PADI3: variants seen among roughly 807,000 people sequenced by gnomAD.
PADI3 encodes peptidyl arginine deiminase 3.
A neutral mutation model predicts 71.5 loss-of-function variants in PADI3; 53 were observed. That is an observed-to-expected ratio of 0.74 (90% CI 0.59 to 0.93). The LOEUF (loss-of-function observed/expected upper bound fraction) is 0.93. Among genes scored for constraint, PADI3 ranks in the 40% least tolerant of loss-of-function variants. PADI3 has a pLI of 0.00. For synonymous variants in PADI3, 361 were observed against 347.5 expected (o/e 1.04, Z -0.43); for missense variants, 821 against 868.0 (o/e 0.95, Z 0.68).
chr1:17,265,581 C>T (rs2100574896), intron 3 of PADI3, 78 bp from the exon 4 acceptor site: 1 of 1,291,128 alleles, frequency 7.7e-7, no homozygotes, highest in Non-Finnish European at 1.1e-6. Flanking sequence ...TGCTCAGCCC[C>T]AGACAAGCCC....
intron 6 of PADI3, 151 bp from the exon 7 acceptor site, chr1:17,270,082 C>T: frequency 2.3e-6 from 2 of 865,574 alleles, no homozygotes; most frequent in African/African-American, 1.7e-5. Context: ...TGTGTATTAC[C>T]TGTCCTCTCC....
At chr1:17,280,602 C>A (rs1007011911) in intron 14 of PADI3, 69 bp from the exon 15 acceptor site, 1 of 1,605,730 alleles carries the variant, frequency 6.2e-7, no homozygotes, top group East Asian at 2.2e-5. Flanking sequence ...AGGGGAGCGA[C>A]AGGATGCCTT....
chr1:17,276,746 C>T (rs2073338067), intron 12 of PADI3, 28 bp from the exon 13 acceptor site: 4 of 1,613,532 alleles, frequency 2.5e-6, no homozygotes, highest in Admixed American at 3.3e-5. Flanking sequence ...AGGCAGGAGG[C>T]TCAGCTGAAT....
intron 1 of PADI3, among the ~76,000 whole-genome samples, chr1:17,254,393 T>A (rs1018874214): frequency 1.2e-4 from 18 of 152,154 alleles, no homozygotes; most frequent in African/African-American, 4.3e-4. Flanking sequence ...AATGTCTGAT[T>A]TTGTTCTCCC....
intron 1 of PADI3, 29 bp downstream of exon 1, chr1:17,249,258 G>A: frequency 8.3e-6 from 13 of 1,564,242 alleles, no homozygotes; most frequent in Non-Finnish European, 1.1e-5. Flanking sequence ...GTGGTTTGCA[G>A]GCCCTTGGTG....
At chr1:17,273,510 C>CG in intron 10 of PADI3, 63 bp downstream of exon 10, 2 of 1,092,914 alleles carry the variant, frequency 1.8e-6, no homozygotes. Flanking sequence ...GGGGCCACAC[C>CG]GGGGTGTGGG....
At chr1:17,253,331 C>T (rs2072988480) in intron 1 of PADI3, among the ~76,000 whole-genome samples, 1 of 152,220 alleles carries the variant, frequency 6.6e-6, no homozygotes, top group African/African-American at 2.4e-5. Flanking sequence ...CCAGCGCACA[C>T]AGCAGCCTAG....
At chr1:17,270,826 A>G in intron 7 of PADI3, 53 bp from the exon 8 acceptor site, 2 of 1,222,988 alleles carry the variant, frequency 1.6e-6, no homozygotes, top group South Asian at 1.2e-5. Context: ...GAGTCCCCCC[A>G]GGCCTCTGGA....
chr1:17,261,062 C>G (rs2073096996), intron 2 of PADI3, among the ~76,000 whole-genome samples: 1 of 152,166 alleles, frequency 6.6e-6, no homozygotes. Context: ...ACATGGAGGT[C>G]AGTAATTGCA....
At chr1:17,269,312 C>G (rs889599451) in intron 6 of PADI3, among the ~76,000 whole-genome samples, 1 of 152,158 alleles carries the variant, frequency 6.6e-6, no homozygotes, top group Non-Finnish European at 1.5e-5. Context: ...TCCCACACAC[C>G]TTTTCTGGTA....
intron 3 of PADI3, 136 bp downstream of exon 3, chr1:17,262,341 T>C (rs961068670): frequency 8.0e-6 from 5 of 622,708 alleles, no homozygotes; most frequent in Non-Finnish European, 1.4e-5. Flanking sequence ...CCAGCATTTT[T>C]CTAGAGATAC....
intron 9 of PADI3, among the ~76,000 whole-genome samples, chr1:17,271,457 A>G (rs111920008): frequency 8.9e-4 from 135 of 152,294 alleles, no homozygotes; most frequent in Non-Finnish European, 1.5e-3. Context: ...TGCCCTCAAC[A>G]GCTGAGACCA....
chr1:17,253,194 T>A (rs1297307502), intron 1 of PADI3, among the ~76,000 whole-genome samples: 1 of 152,184 alleles, frequency 6.6e-6, no homozygotes, highest in Non-Finnish European at 1.5e-5. Flanking sequence ...TTGTGGCGCC[T>A]CTGTGCTGGC....
Position 17,282,875 on chromosome 1 carries a change from G to A in PADI3, c.1791G>A (p.Leu597=), listed in dbSNP as rs2073417531. The A allele has an allele frequency of 3.1e-6, 5 of 1,613,542 alleles. No homozygotes were observed. The highest frequency in any genetic ancestry group is 4.2e-6 in the Non-Finnish European group (5 of 1,179,758). ...ACATGCTGGTGCTGGGGAAGCACCT[G>A]GGCATCCCCAAGCCCTTTGGGCCCA... is the stretch of plus-strand genomic sequence containing the variant. ...LVNMLVLGKH[L]GIPKPFGPII... Residue 597 remains leucine (L), a synonymous_variant, in exon 16 of 16, where the codon CTG becomes CTA. Coordinates refer to ENST00000375460, the MANE Select transcript of PADI3 (RefSeq NM_016233.2).
At chr1:17,276,924 C>T (rs2100599255) in intron 13 of PADI3, 48 bp downstream of exon 13, 1 of 1,496,250 alleles carries the variant, frequency 6.7e-7, no homozygotes, top group East Asian at 2.3e-5. Flanking sequence ...TGCCCCTTAC[C>T]CAAATTAAGA....
chr1:17,251,103 G>A (rs1205013279), intron 1 of PADI3, among the ~76,000 whole-genome samples: 1 of 152,184 alleles, frequency 6.6e-6, no homozygotes, highest in African/African-American at 2.4e-5. Flanking sequence ...TATTTCTTTT[G>A]GGTCTAGTGT....
At chr1:17,257,116 G>T (rs111644534) in intron 1 of PADI3, among the ~76,000 whole-genome samples, 3 of 142,216 alleles carry the variant, frequency 2.1e-5, no homozygotes, top group South Asian at 2.4e-4. Context: ...GGGTGTTCCC[G>T]AGGGTATGAG....
At chr1:17,253,804 G>C (rs772232075) in intron 1 of PADI3, among the ~76,000 whole-genome samples, 19 of 152,162 alleles carry the variant, frequency 1.2e-4, no homozygotes, top group Non-Finnish European at 7.4e-5. Context: ...CCAAGTTTTG[G>C]TCCTAGTTCT....
At chr1:17,259,781 G>T (rs2073080861) in intron 2 of PADI3, 23 bp downstream of exon 2, 2 of 1,575,116 alleles carry the variant, frequency 1.3e-6, no homozygotes, top group South Asian at 1.1e-5. Context: ...CTGGTGGGGT[G>T]GGGAGAGGTT....
Sources: allele counts gnomAD v4.1 joint callset (sites outside exome capture counted in the v4.1 genomes callset), GRCh38; gene constraint gnomAD v4.1.1; transcripts MANE v1.5; gene names NCBI Gene and HGNC (gene_info 2026-07-23, HGNC 2026-07-21).